ANTXR1: variants seen among roughly 807,000 people sequenced by gnomAD.
ANTXR1 encodes ANTXR cell adhesion molecule 1.
ANTXR1 carries 19 observed loss-of-function variants against 78.1 expected under a neutral mutation model. The observed-to-expected ratio is 0.24, with a 90% CI of 0.17 to 0.36. ANTXR1 has a LOEUF of 0.36. Among genes scored for constraint, ANTXR1 ranks in the 10% least tolerant of loss-of-function variants. ANTXR1 has a pLI of 1.00. For synonymous variants in ANTXR1, 273 were observed against 260.5 expected, an observed-to-expected ratio of 1.05 and a Z score of -0.46; for missense variants, 518 against 718.6, an observed-to-expected ratio of 0.72 and a Z score of 3.19.
Position 69,247,422 on chromosome 2 carries a change from A to C in ANTXR1, c.*1937A>C, listed in dbSNP as rs1676047681. The C allele has an allele frequency of 6.5e-6, 1 of 152,852 alleles. No homozygotes were observed. The highest frequency in any genetic ancestry group is 2.4e-5 in the African/African-American group (1 of 41,422). 9.5% of individuals were successfully genotyped at this position (152,852 alleles called of 1,614,324 possible). On this transcript the variant is annotated 3_prime_UTR_variant, in exon 18 of 18. Coordinates refer to ENST00000303714, the MANE Select transcript of ANTXR1 (RefSeq NM_032208.3). ...CATCTCCAGGTGTACCTCCAACCCT[A>C]GCCTTCTCCCACAGCTGCCTACAAC...
At chr2:69,018,685 G>C (rs1411600055) in intron 1 of ANTXR1, among the ~76,000 whole-genome samples, 1 of 152,138 alleles carries the variant, frequency 6.6e-6, no homozygotes, top group Non-Finnish European at 1.5e-5. Context: ...TAAGTGACTT[G>C]CCCAAGGACC....
At chr2:69,132,497 C>T (rs1281297283) in intron 12 of ANTXR1, among the ~76,000 whole-genome samples, 1 of 152,220 alleles carries the variant, frequency 6.6e-6, no homozygotes, top group African/African-American at 2.4e-5. Flanking sequence ...CTGCCCTTGC[C>T]AAAATCTCTT....
At chr2:69,146,500 T>C in intron 12 of ANTXR1, 1 of 649,184 alleles carries the variant, frequency 1.5e-6, no homozygotes, top group Non-Finnish European at 1.9e-6. Context: ...TTTCAAAGGT[T>C]TGTGGTGAAC....
At chr2:69,245,140 T>C (rs1315870615) in intron 17 of ANTXR1, 85 bp from the exon 18 acceptor site, 2 of 1,532,474 alleles carry the variant, frequency 1.3e-6, no homozygotes, top group Non-Finnish European at 9.0e-7. Flanking sequence ...TTTCCACATA[T>C]TGCTTGCAAG....
chr2:69,216,566 C>G (rs1675184218), intron 17 of ANTXR1, among the ~76,000 whole-genome samples: 1 of 152,156 alleles, frequency 6.6e-6, no homozygotes, highest in Admixed American at 6.5e-5. Flanking sequence ...TCCTGAAACA[C>G]AGTGTGTCCA....
intron 8 of ANTXR1, among the ~76,000 whole-genome samples, chr2:69,089,953 T>C (rs62133460): frequency 0.077 from 11,719 of 152,200 alleles, 602 homozygotes; most frequent in East Asian, 0.23. Context: ...GAAACTTAGG[T>C]GCTACCAGTG....
At position 69,247,351 on chromosome 2, in the gene ANTXR1, C is replaced by G. The variant is rs1284622968; in HGVS notation, c.*1866C>G. The G allele has an allele frequency of 2.0e-5, 3 of 152,516 alleles. No homozygotes were observed. The highest frequency in any genetic ancestry group is 4.4e-5 in the Non-Finnish European group (3 of 68,104). The allele number at this position is 152,516 out of a possible 1,614,324, so 9.4% of individuals were successfully genotyped here. ...ATAGATCTAGGCAGAGTGCCTTAGT[C>G]AGGGACCACGGGCGCTGAATCTGCA... is the stretch of plus-strand genomic sequence containing the variant. On this transcript the variant is annotated 3_prime_UTR_variant, in exon 18 of 18. Coordinates refer to ENST00000303714, the MANE Select transcript of ANTXR1 (RefSeq NM_032208.3).
chr2:69,200,608 G>A (rs940396046), intron 17 of ANTXR1, among the ~76,000 whole-genome samples: 2 of 151,360 alleles, frequency 1.3e-5, no homozygotes, highest in African/African-American at 2.4e-5. Flanking sequence ...TCTTTTCCCT[G>A]TTCACTGCCA....
At chr2:69,067,712 G>A (rs1294813645) in intron 3 of ANTXR1, among the ~76,000 whole-genome samples, 4 of 151,980 alleles carry the variant, frequency 2.6e-5, no homozygotes, top group Non-Finnish European at 4.4e-5. Flanking sequence ...CAGCCTCCCC[G>A]TCATGTCCCC....
intron 12 of ANTXR1, among the ~76,000 whole-genome samples, chr2:69,134,464 C>T (rs1346037489): frequency 1.3e-5 from 2 of 152,080 alleles, no homozygotes; most frequent in African/African-American, 4.8e-5. Flanking sequence ...GGAATGAGCT[C>T]GCTATTATAG....
intron 10 of ANTXR1, among the ~76,000 whole-genome samples, chr2:69,116,731 T>C (rs911419871): frequency 6.6e-6 from 1 of 152,170 alleles, no homozygotes; most frequent in Non-Finnish European, 1.5e-5. Flanking sequence ...TAACACACCC[T>C]CCCGCTGCCT....
intron 10 of ANTXR1, among the ~76,000 whole-genome samples, chr2:69,116,895 T>C (rs548218995): frequency 2.0e-5 from 3 of 152,364 alleles, no homozygotes; most frequent in East Asian, 1.9e-4. Context: ...GGCTAATGAA[T>C]TTCAACCCTG....
intron 3 of ANTXR1, 97 bp downstream of exon 3, chr2:69,044,910 T>C: frequency 8.3e-7 from 1 of 1,210,648 alleles, no homozygotes; most frequent in Non-Finnish European, 1.2e-6. Flanking sequence ...TGTTGATCAC[T>C]TTAATCTAAT....
intron 17 of ANTXR1, among the ~76,000 whole-genome samples, chr2:69,233,444 AT>A (rs1229438510): frequency 4.0e-5 from 6 of 151,852 alleles, no homozygotes; most frequent in Non-Finnish European, 7.4e-5. Flanking sequence ...AATTTATAAA[AT>A]ATATATCAGT....
intron 4 of ANTXR1, 25 bp downstream of exon 4, chr2:69,070,753 CA>C: frequency 6.2e-7 from 1 of 1,601,144 alleles, no homozygotes; most frequent in Non-Finnish European, 8.6e-7. Flanking sequence ...GTTTGAAATC[CA>C]AATATAAAGC....
intron 17 of ANTXR1, among the ~76,000 whole-genome samples, chr2:69,207,628 C>CT (rs1429014945): frequency 6.6e-6 from 1 of 152,170 alleles, no homozygotes; most frequent in Non-Finnish European, 1.5e-5. Context: ...TTGACCATGG[C>CT]TTTTTCCTTC....
At chr2:69,110,755 G>A (rs914459614) in intron 10 of ANTXR1, among the ~76,000 whole-genome samples, 4 of 152,122 alleles carry the variant, frequency 2.6e-5, no homozygotes, top group Non-Finnish European at 4.4e-5. Flanking sequence ...CCAGCTACTC[G>A]GGAGGCTGAG....
chr2:69,076,072 A>T (rs1348810207), intron 7 of ANTXR1, among the ~76,000 whole-genome samples: 1 of 152,122 alleles, frequency 6.6e-6, no homozygotes, highest in Admixed American at 6.5e-5. Flanking sequence ...CAGCCTCCTG[A>T]TTAGCTTGGT....
At chr2:69,026,469 C>T (rs1307229755) in intron 1 of ANTXR1, among the ~76,000 whole-genome samples, 2 of 152,188 alleles carry the variant, frequency 1.3e-5, no homozygotes, top group Non-Finnish European at 2.9e-5. Flanking sequence ...GTAAAGTGCC[C>T]AGCACAATGC....
Sources: allele counts gnomAD v4.1 joint callset (sites outside exome capture counted in the v4.1 genomes callset), GRCh38; gene constraint gnomAD v4.1.1; transcripts MANE v1.5; gene names NCBI Gene and HGNC (gene_info 2026-07-23, HGNC 2026-07-21).